Variants in VWA3A observed in about 807,000 individuals in gnomAD.
VWA3A encodes the protein von Willebrand factor A domain-containing protein 3A.
In VWA3A, 134 loss-of-function variants were observed where a neutral mutation model predicts 160.4. The observed-to-expected ratio is 0.84, with a 90% confidence interval of 0.73 to 0.96. VWA3A has a LOEUF of 0.96. Ranked by LOEUF, VWA3A falls within the 40% of genes least tolerant of loss-of-function variation. VWA3A has a pLI of 0.00. For synonymous variants in VWA3A, 476 were observed against 543.4 expected (o/e 0.88, Z 1.72); for missense variants, 1,310 against 1,447.9 (o/e 0.90, Z 1.55).
chr16:22,115,925 A>AAGGAAGGAAGGAAGGAAGGGAG (rs1567203063), intron 9 of VWA3A, among the ~76,000 whole-genome samples: 1 of 18,460 alleles, frequency 5.4e-5, no homozygotes, highest in Non-Finnish European at 7.1e-5. Context: ...AAGGAAGGAA[A>AAGGAAGGAAGGAAGGAAGGGAG]GGAAAGGAAA....
chr16:22,147,451 T>A (rs753010917), intron 27 of VWA3A: 1 of 638,418 alleles, frequency 1.6e-6, no homozygotes, highest in Non-Finnish European at 2.9e-6. Context: ...AGGAGGGGAT[T>A]CGGGCTATGG....
intron 3 of VWA3A, among the ~76,000 whole-genome samples, chr16:22,098,472 A>G (rs942366482): frequency 6.6e-6 from 1 of 152,184 alleles, no homozygotes; most frequent in Non-Finnish European, 1.5e-5. Flanking sequence ...TCTTTCCTCT[A>G]ATTTTATATG....
intron 5 of VWA3A, among the ~76,000 whole-genome samples, chr16:22,103,263 G>A (rs1171374575): frequency 6.6e-6 from 1 of 151,942 alleles, no homozygotes; most frequent in Non-Finnish European, 1.5e-5. Flanking sequence ...TGAACTCCTG[G>A]CCTCAAGTGA....
At chr16:22,106,907 G>A (rs950224196) in intron 6 of VWA3A, among the ~76,000 whole-genome samples, 1 of 152,172 alleles carries the variant, frequency 6.6e-6, no homozygotes, top group Non-Finnish European at 1.5e-5. Flanking sequence ...GATTGGATAG[G>A]TCTGGGGCCA....
chr16:22,149,484 A>G (rs1329347157), intron 28 of VWA3A, among the ~76,000 whole-genome samples: 1 of 152,254 alleles, frequency 6.6e-6, no homozygotes, highest in East Asian at 1.9e-4. Flanking sequence ...GCCTCAAGCA[A>G]TCCTCCCAGC....
intron 22 of VWA3A, among the ~76,000 whole-genome samples, chr16:22,139,420 G>T (rs552790328): frequency 6.6e-6 from 1 of 152,298 alleles, no homozygotes; most frequent in South Asian, 2.1e-4. Context: ...TCTGGGCCAG[G>T]TGCAGTGGCT....
chr16:22,144,038 G>A (rs141036589), intron 25 of VWA3A, among the ~76,000 whole-genome samples: 27 of 151,996 alleles, frequency 1.8e-4, no homozygotes, highest in African/African-American at 4.1e-4. Flanking sequence ...GAGCCACCGC[G>A]TCCAGCCTGC....
In VWA3A at chr16:22,123,116, G is replaced by A; in HGVS notation, c.1388G>A (p.Gly463Glu). 1 of 1,606,258 alleles carries A rather than the reference G, an allele frequency of 6.2e-7. No individual in the cohort carries two copies. The highest frequency in any genetic ancestry group is 8.5e-7 in the Non-Finnish European group (1 of 1,176,300). The change falls in exon 15 of 34, where the codon GGG becomes GAG. Residue 463 changes from glycine (G) to glutamate (E), a missense_variant. Transcript: ENST00000389398. ...KAMIQFEWHD[G>E]TVKNIHVDPP... ...ATGATACAATTTGAATGGCACGACG[G>A]GACAGTGAAGAACATTCATGTGGAC...
intron 25 of VWA3A, among the ~76,000 whole-genome samples, chr16:22,143,598 G>A (rs1458475303): frequency 6.6e-6 from 1 of 152,062 alleles, no homozygotes; most frequent in East Asian, 1.9e-4. Flanking sequence ...TTGTAGGTGG[G>A]GTGCTCACTT....
At chr16:22,155,949 A>C in intron 33 of VWA3A, 33 bp downstream of exon 33, 4 of 1,604,484 alleles carry the variant, frequency 2.5e-6, no homozygotes, top group Non-Finnish European at 3.4e-6. Context: ...ATACTACCTG[A>C]GTGTGCACTA....
chr16:22,129,230 AT>A (rs1244932050), intron 17 of VWA3A, among the ~76,000 whole-genome samples: 2 of 151,906 alleles, frequency 1.3e-5, no homozygotes, highest in Non-Finnish European at 2.9e-5. Flanking sequence ...TCTACTAAAA[AT>A]ACAAAAAATT....
intron 23 of VWA3A, among the ~76,000 whole-genome samples, chr16:22,140,581 C>T (rs1014738526): frequency 6.0e-5 from 9 of 150,770 alleles, no homozygotes; most frequent in Non-Finnish European, 1.2e-4. Context: ...ACTCTAACCT[C>T]AGTGACAGAG....
At chr16:22,110,770 C>A in intron 7 of VWA3A, 118 bp from the exon 8 acceptor site, 1 of 799,388 alleles carries the variant, frequency 1.3e-6, no homozygotes, top group Non-Finnish European at 1.8e-6. Flanking sequence ...CAGCCTCGAG[C>A]AGCCCTATTC....
Position 22,094,341 on chromosome 16 carries a change from ATTG to A in VWA3A, c.14+1691_14+1693del, listed in dbSNP as rs879896464. 6.8e-3 allele frequency among the ~76,000 whole-genome samples: 1,024 copies of A among 150,474 alleles called. 5 individuals carry two copies. Among genetic ancestry groups the A allele is most frequent in the Non-Finnish European group, 0.01 (689 of 67,694 alleles). On this transcript the variant is annotated intron_variant, in intron 1 of 33. Transcript: ENST00000389398. ...CCAGTTTTTTTTTTTTTTTTAAAGC[ATTG>A]CCACATTATCCTGGTGCTTCCCAGA...
In VWA3A at chr16:22,146,272, ATGGAGGTGTACATCAGGCACT is replaced by A; in HGVS notation, c.2773_2793del (p.Val925_Glu931del). On this transcript the variant is annotated inframe_deletion, in exon 27 of 34. Coordinates refer to ENST00000389398, the MANE Select transcript of VWA3A (RefSeq NM_173615.5). ...ACACATCCAGTGGACGCCCAGGGAG[ATGGAGGTGTACATCAGGCACT>A]TGGAGAAGGTGTTAAGGCGCTATGT... 6.2e-7 allele frequency: 1 copy of A among 1,613,546 alleles called. No homozygotes were observed. Among genetic ancestry groups the A allele is most frequent in the Non-Finnish European group, 8.5e-7 (1 of 1,179,682 alleles).
chr16:22,109,679 A>G (rs1363426117), intron 7 of VWA3A, 99 bp downstream of exon 7: 2 of 974,526 alleles, frequency 2.1e-6, no homozygotes, highest in Non-Finnish European at 1.6e-6. Flanking sequence ...CAAATGCAAG[A>G]TAGGGTGTCT....
In VWA3A at chr16:22,117,126, C is replaced by G. The variant is rs1391406825; in HGVS notation, c.940C>G (p.Leu314Val). The change falls in exon 11 of 34, where the codon CTT becomes GTT. Residue 314 changes from leucine (L) to valine (V), a missense_variant. Transcript: ENST00000389398. Reference sequence around the variant, plus strand: ...ATCCCTGCAGGCTGTCCTGAAGAACCTTGCAGAAGCTGTTAGGGGCTACTA... The same window carrying G: ...ATCCCTGCAGGCTGTCCTGAAGAACGTTGCAGAAGCTGTTAGGGGCTACTA... ...DQMPPAVLKN[L>V]AEAVRGYYHC... 2 of 1,583,324 alleles carry G rather than the reference C, an allele frequency of 1.3e-6. No individual in the cohort carries two copies. The highest frequency in any genetic ancestry group is 1.7e-6 in the Non-Finnish European group (2 of 1,164,552).
Position 22,096,962 on chromosome 16 carries a change from G to GTTT in VWA3A, c.101+17_101+18insTTT. 2 of 1,036,784 alleles carry GTTT rather than the reference G, an allele frequency of 1.9e-6. No individual in the cohort carries two copies. The highest frequency in any genetic ancestry group is 2.7e-6 in the Non-Finnish European group (2 of 735,868). The allele number at this position is 1,036,784 out of a possible 1,614,324, so 64.2% of individuals were successfully genotyped here. Reference sequence around the variant, plus strand: ...AAACCATTGGTAAGCATAGTTCTCTGATTTTTTTTTTTTTTTTTTTTGAGG... The same window carrying GTTT: ...AAACCATTGGTAAGCATAGTTCTCTGTTTATTTTTTTTTTTTTTTTTTTTGAGG... On this transcript the variant is annotated intron_variant, in intron 2 of 33. Coordinates refer to ENST00000389398, the MANE Select transcript of VWA3A (RefSeq NM_173615.5).
At chr16:22,103,404 G>T in intron 5 of VWA3A, 71 bp from the exon 6 acceptor site, 1 of 1,354,314 alleles carries the variant, frequency 7.4e-7, no homozygotes, top group Admixed American at 2.2e-5. Context: ...CCTGCCTTTT[G>T]TGTATGTAAG....
Sources: gnomAD v4.1 joint callset for allele counts (sites outside exome capture counted in the v4.1 genomes callset) on GRCh38, gnomAD v4.1.1 for gene constraint, MANE v1.5 for transcripts, NCBI Gene and HGNC (gene_info 2026-07-23, HGNC 2026-07-21) for gene names.